CNTN4: variants seen among roughly 807,000 people sequenced by gnomAD.
CNTN4 encodes contactin-4.
In CNTN4, 77 loss-of-function variants were observed where a neutral mutation model predicts 122.5. That is an observed-to-expected ratio of 0.63 (90% CI 0.52 to 0.76). The LOEUF is 0.76. Ranked by LOEUF, CNTN4 falls within the 30% of genes least tolerant of loss-of-function variation. The pLI, the probability that CNTN4 is intolerant of heterozygous loss-of-function variation, is 0.00. For synonymous variants in CNTN4, 512 were observed against 447.0 expected (o/e 1.15, Z -1.83); for missense variants, 1,256 against 1,259.1 (o/e 1.00, Z 0.04).
intron 2 of CNTN4, among the ~76,000 whole-genome samples, chr3:2,157,428 A>T (rs9873153): frequency 0.54 from 81,830 of 151,954 alleles, 22,433 homozygotes; most frequent in East Asian, 0.77. Flanking sequence ...TATTCAGAAC[A>T]ATCTGAGGAA....
intron 6 of CNTN4, among the ~76,000 whole-genome samples, chr3:2,806,060 C>T (rs1260169325): frequency 6.6e-6 from 1 of 152,072 alleles, no homozygotes; most frequent in Non-Finnish European, 1.5e-5. Context: ...CACCAGCAGG[C>T]CTGGCTAATT....
At chr3:2,171,247 T>C (rs1412642530) in intron 2 of CNTN4, among the ~76,000 whole-genome samples, 1 of 152,160 alleles carries the variant, frequency 6.6e-6, no homozygotes, top group African/African-American at 2.4e-5. Context: ...CCAAAAATGT[T>C]AAAATAACTT....
chr3:2,937,974 G>C (rs1030103426), intron 13 of CNTN4, among the ~76,000 whole-genome samples: 2 of 152,120 alleles, frequency 1.3e-5, no homozygotes, highest in African/African-American at 4.8e-5. Flanking sequence ...AGATGGAAGA[G>C]GTGGAAGGAC....
chr3:2,779,657 A>G (rs968213924), intron 6 of CNTN4, among the ~76,000 whole-genome samples: 3 of 152,334 alleles, frequency 2.0e-5, no homozygotes, highest in African/African-American at 7.2e-5. Context: ...AATTTCCTCA[A>G]AAGCTTAGTG....
chr3:2,455,412 G>A (rs2048963284), intron 3 of CNTN4, among the ~76,000 whole-genome samples: 1 of 152,082 alleles, frequency 6.6e-6, no homozygotes, highest in South Asian at 2.1e-4. Flanking sequence ...AGTGCTGAAA[G>A]TACAGCAAAA....
chr3:2,530,381 T>C (rs2077553338), intron 3 of CNTN4, among the ~76,000 whole-genome samples: 1 of 147,628 alleles, frequency 6.8e-6, no homozygotes, highest in Admixed American at 6.9e-5. Flanking sequence ...CGATCTCAGC[T>C]CACTGCAACC....
chr3:2,499,625 A>G (rs187184166), intron 3 of CNTN4, among the ~76,000 whole-genome samples: 53 of 152,230 alleles, frequency 3.5e-4, no homozygotes, highest in African/African-American at 1.2e-3. Context: ...TCACACTGTC[A>G]TGATTAAGGT....
rs529688667 is a variant in CNTN4 at position 2,145,401 on chromosome 3, C to A, written c.-145+44762C>A. Among the ~76,000 whole-genome samples the A allele has an allele frequency of 3.3e-5, 5 of 152,312 alleles. No individual in the cohort carries two copies. In the South Asian group the frequency reaches 1.0e-3, roughly 32 times the overall value. On this transcript the variant is annotated intron_variant, in intron 2 of 24. Coordinates refer to ENST00000418658, the MANE Select transcript of CNTN4 (RefSeq NM_175607.3). ...TTGTCACATTGCATCTCTCTCCACT[C>A]CCTGTGCTACCACTAATCCTTCAGG...
At chr3:2,283,295 A>G (rs1346645634) in intron 2 of CNTN4, among the ~76,000 whole-genome samples, 1 of 152,156 alleles carries the variant, frequency 6.6e-6, no homozygotes, top group Non-Finnish European at 1.5e-5. Context: ...ACCATAATTG[A>G]CAAAATATTG....
intron 2 of CNTN4, among the ~76,000 whole-genome samples, chr3:2,205,253 A>T (rs138742589): frequency 1.3e-5 from 2 of 150,564 alleles, no homozygotes; most frequent in African/African-American, 4.8e-5. Context: ...ATTTCTAAAT[A>T]TCAATATTAT....
At chr3:2,495,520 G>A (rs1271989133) in intron 3 of CNTN4, among the ~76,000 whole-genome samples, 7 of 152,172 alleles carry the variant, frequency 4.6e-5, no homozygotes, top group African/African-American at 1.7e-4. Context: ...CCATGGACAG[G>A]TTACCTGTCT....
At chr3:2,882,893 G>C (rs777970264) in intron 8 of CNTN4, 26 of 417,000 alleles carry the variant, frequency 6.2e-5, no homozygotes, top group Non-Finnish European at 8.5e-5. Flanking sequence ...ATACTTTTGA[G>C]GGGCAAAGTT....
intron 11 of CNTN4, among the ~76,000 whole-genome samples, chr3:2,902,421 T>A (rs1258020625): frequency 6.6e-6 from 1 of 152,162 alleles, no homozygotes; most frequent in African/African-American, 2.4e-5. Context: ...AATATTTGCC[T>A]CTGTTTCATC....
intron 3 of CNTN4, among the ~76,000 whole-genome samples, chr3:2,388,873 C>A (rs147742498): frequency 5.3e-5 from 8 of 150,742 alleles, no homozygotes; most frequent in African/African-American, 1.9e-4. Flanking sequence ...CAAACGAAAA[C>A]CAGGCCAGGC....
At chr3:2,259,145 C>G (rs542046010) in intron 2 of CNTN4, among the ~76,000 whole-genome samples, 1 of 152,038 alleles carries the variant, frequency 6.6e-6, no homozygotes, top group African/African-American at 2.4e-5. Context: ...TCCCTTTTCC[C>G]CAGCATCTTT....
At chr3:3,031,853 G>T (rs984754141) in intron 16 of CNTN4, among the ~76,000 whole-genome samples, 1 of 152,118 alleles carries the variant, frequency 6.6e-6, no homozygotes, top group African/African-American at 2.4e-5. Flanking sequence ...ATCTTTGGCC[G>T]GCTGGCAGAG....
intron 4 of CNTN4, among the ~76,000 whole-genome samples, chr3:2,581,219 T>A (rs1034619185): frequency 6.6e-6 from 1 of 152,126 alleles, no homozygotes; most frequent in Non-Finnish European, 1.5e-5. Context: ...CCTGGGTTTC[T>A]ACTCCAAGAA....
intron 14 of CNTN4, among the ~76,000 whole-genome samples, chr3:3,023,913 A>C (rs1574851974): frequency 6.6e-6 from 1 of 152,334 alleles, no homozygotes; most frequent in East Asian, 1.9e-4. Context: ...GAAAGGCAGA[A>C]TCGCACAACA....
intron 4 of CNTN4, among the ~76,000 whole-genome samples, chr3:2,704,799 T>C (rs1227855258): frequency 2.0e-5 from 3 of 152,210 alleles, no homozygotes; most frequent in African/African-American, 4.8e-5. Context: ...TAAGATGTAA[T>C]GTATCTTATT....
Sources: gnomAD v4.1 joint callset for allele counts (sites outside exome capture counted in the v4.1 genomes callset) on GRCh38, gnomAD v4.1.1 for gene constraint, MANE v1.5 for transcripts, NCBI Gene and HGNC (gene_info 2026-07-23, HGNC 2026-07-21) for gene names.